Variants in EPSTI1 observed in about 807,000 individuals in gnomAD.
The protein encoded by EPSTI1 is epithelial stromal interaction 1.
In EPSTI1, 66 loss-of-function variants were observed where a neutral mutation model predicts 49.9. That is an observed-to-expected ratio of 1.32 (90% CI 1.08 to 1.62). The LOEUF is 1.62. Among genes scored for constraint, EPSTI1 ranks in the 40% most tolerant of loss-of-function variants. The pLI, the probability that EPSTI1 is intolerant of heterozygous loss-of-function variation, is 0.00. For synonymous variants in EPSTI1, 137 were observed against 130.7 expected (o/e 1.05, Z -0.33); for missense variants, 394 against 365.5 (o/e 1.08, Z -0.64).
At position 42,992,107 on chromosome 13, in the gene EPSTI1, G is replaced by A; in HGVS notation, c.59C>T (p.Pro20Leu). 3.7e-6 allele frequency: 6 copies of A among 1,611,524 alleles called. No homozygotes were observed. The highest frequency in any genetic ancestry group is 5.1e-6 in the Non-Finnish European group (6 of 1,179,248). The change falls in exon 1 of 11, where the codon CCG becomes CTG. Residue 20 changes from proline (P) to leucine (L), a missense_variant. Physicochemically the swap from Pro to Leu is moderately conservative, Grantham distance 98. Transcript: ENST00000313624. ...AGAAGGGTCCTGGGGATCCCGGGTC[G>A]GGCGGGAGGCAGGGGAGGCGCCGAG... ...SGLGASPASR[P>L]TRDPQDPSGR...
intron 7 of EPSTI1, among the ~76,000 whole-genome samples, chr13:42,918,963 G>A (rs1046663603): frequency 6.6e-6 from 1 of 151,998 alleles, no homozygotes; most frequent in South Asian, 2.1e-4. Context: ...AGGAGGGTGA[G>A]AAGAGAGGAC....
chr13:42,946,342 A>G (rs2038917103), intron 6 of EPSTI1, among the ~76,000 whole-genome samples: 1 of 152,198 alleles, frequency 6.6e-6, no homozygotes, highest in Non-Finnish European at 1.5e-5. Flanking sequence ...GGCAATTTAG[A>G]AATAGGAAGA....
chr13:42,984,491 A>C lies in EPSTI1; in HGVS notation c.188+7487T>G, dbSNP rs997266821. ...AAATAATGTGAGTCAAAATGACTTA[A>C]GTTCTGTCTCAGACATAAGAAACCA... On this transcript the variant is annotated intron_variant, in intron 1 of 10. Coordinates refer to ENST00000313624, the MANE Select transcript of EPSTI1 (RefSeq NM_033255.5). Among the ~76,000 whole-genome samples, 4 of 152,250 alleles carry C rather than the reference A, an allele frequency of 2.6e-5. No homozygotes were observed. The South Asian group carries it at 8.3e-4, about 32-fold the overall frequency.
chr13:42,915,504 T>C lies in EPSTI1; in HGVS notation c.741+2037A>G, dbSNP rs1594639779. 2.0e-5 allele frequency among the ~76,000 whole-genome samples: 3 copies of C among 152,170 alleles called. No homozygotes were observed. In the East Asian group the frequency reaches 5.8e-4, roughly 29 times the overall value. On this transcript the variant is annotated intron_variant, in intron 8 of 10. Transcript: ENST00000313624. ...CCAAGATCATGCCACTGCACTCCAA[T>C]ATGGGTGACAGAGTGAGACCTGGTC...
chr13:42,949,496 C>T (rs1188358009), intron 6 of EPSTI1, among the ~76,000 whole-genome samples: 1 of 149,404 alleles, frequency 6.7e-6, no homozygotes, highest in Non-Finnish European at 1.5e-5. Context: ...GAGGCTGAGG[C>T]GGGAGAAATC....
chr13:42,941,733 G>GT lies in EPSTI1; in HGVS notation c.563+12214dup, dbSNP rs905140573. Among the ~76,000 whole-genome samples the GT allele has an allele frequency of 3.1e-3, 453 of 146,602 alleles. 1 individual carries two copies. The highest frequency in any genetic ancestry group is 7.9e-3 in the African/African-American group (317 of 40,226). On this transcript the variant is annotated intron_variant, in intron 6 of 10. Coordinates refer to ENST00000313624, the MANE Select transcript of EPSTI1 (RefSeq NM_033255.5). ...ACTGTGGCTTTCTAGGATTTGGGGT[G>GT]TTTTTTTTTTGGAGGTTACCAAGAG...
At chr13:42,910,339 G>A (rs2037633253) in intron 8 of EPSTI1, among the ~76,000 whole-genome samples, 1 of 135,814 alleles carries the variant, frequency 7.4e-6, no homozygotes, top group African/African-American at 2.8e-5. Flanking sequence ...TTGGCTTACT[G>A]CAACCTCCGG....
chr13:42,932,919 T>C (rs1307773238), intron 6 of EPSTI1, among the ~76,000 whole-genome samples: 2 of 152,100 alleles, frequency 1.3e-5, no homozygotes, highest in Non-Finnish European at 2.9e-5. Context: ...AAGCTATTCA[T>C]GAGAAAACAT....
At chr13:42,959,111 G>C (rs890881329) in intron 5 of EPSTI1, among the ~76,000 whole-genome samples, 8 of 152,244 alleles carry the variant, frequency 5.3e-5, no homozygotes, top group African/African-American at 1.7e-4. Context: ...ACTAAGGGCT[G>C]TGTATATATT....
intron 6 of EPSTI1, among the ~76,000 whole-genome samples, chr13:42,943,187 G>T (rs190559992): frequency 5.3e-5 from 8 of 152,256 alleles, no homozygotes; most frequent in Admixed American, 5.2e-4. Context: ...TATGCAGATG[G>T]CTTGTCTCCA....
chr13:42,985,789 G>C (rs954964187), intron 1 of EPSTI1, among the ~76,000 whole-genome samples: 5 of 152,176 alleles, frequency 3.3e-5, no homozygotes, highest in Non-Finnish European at 7.3e-5. Context: ...AAGCCAGCTT[G>C]CCCTTTGGTC....
chr13:42,983,964 A>G lies in EPSTI1; in HGVS notation c.188+8014T>C, dbSNP rs187320065. Among the ~76,000 whole-genome samples, 557 of 152,348 alleles carry G rather than the reference A, an allele frequency of 3.7e-3. 1 individual carries two copies. The highest frequency in any genetic ancestry group is 5.6e-3 in the Non-Finnish European group (381 of 68,036). Reference sequence around the variant, plus strand: ...TACTTTATGCTACAACAGGATTCCAATGCTTCATTACATTTCTCATTTCAA... The same window carrying G: ...TACTTTATGCTACAACAGGATTCCAGTGCTTCATTACATTTCTCATTTCAA... On this transcript the variant is annotated intron_variant, in intron 1 of 10. Transcript: ENST00000313624.
intron 8 of EPSTI1, among the ~76,000 whole-genome samples, chr13:42,905,165 G>A (rs2153413496): frequency 6.6e-6 from 1 of 152,196 alleles, no homozygotes; most frequent in Admixed American, 6.5e-5. Context: ...CTGTTAGGGA[G>A]GAAGAAAAGA....
chr13:42,971,267 C>T (rs562023732), intron 1 of EPSTI1, among the ~76,000 whole-genome samples: 1 of 152,302 alleles, frequency 6.6e-6, no homozygotes, highest in East Asian at 1.9e-4. Context: ...GAAAAATATT[C>T]ACCTCTGTGA....
chr13:42,974,413 T>A (rs908176706), intron 1 of EPSTI1, among the ~76,000 whole-genome samples: 4 of 152,058 alleles, frequency 2.6e-5, no homozygotes, highest in Non-Finnish European at 5.9e-5. Flanking sequence ...ATCCCAGCAC[T>A]TTGGGAGGCC....
chr13:42,986,464 G>A (rs2153436636), intron 1 of EPSTI1, among the ~76,000 whole-genome samples: 1 of 152,226 alleles, frequency 6.6e-6, no homozygotes, highest in South Asian at 2.1e-4. Flanking sequence ...TCAACCCCTG[G>A]CCGGGAGCAG....
chr13:42,969,354 G>C lies in EPSTI1; in HGVS notation c.248-177C>G. The stretch of plus-strand genomic sequence containing the variant: ...CCCTGACCCGTACAGGTCATCCTGG[G>C]CCCGGCCCTGTGGCACATTCTCACC... On this transcript the variant is annotated intron_variant, in intron 2 of 10. Transcript: ENST00000313624. 3 of 631,236 alleles carry C rather than the reference G, an allele frequency of 4.8e-6. No individual in the cohort carries two copies. The East Asian group carries it at 8.5e-5, about 18-fold the overall frequency. 39.1% of individuals were successfully genotyped at this position (631,236 alleles called of 1,614,324 possible). A position where few individuals can be genotyped will look rare whatever the true frequency, so the allele number is the denominator to read the frequency against.
chr13:42,914,939 C>G (rs1341617540), intron 8 of EPSTI1, among the ~76,000 whole-genome samples: 2 of 152,144 alleles, frequency 1.3e-5, no homozygotes, highest in Admixed American at 6.5e-5. Flanking sequence ...AGAGTTTAAA[C>G]TTGAGGAGGC....
chr13:42,917,745 A>G lies in EPSTI1; in HGVS notation c.658-121T>C, dbSNP rs565755751. 7.7e-6 allele frequency: 5 copies of G among 651,562 alleles called. No individual in the cohort carries two copies. In the East Asian group the frequency reaches 7.7e-5, roughly 10 times the overall value. The allele number at this position is 651,562 out of a possible 1,614,324, so 40.4% of individuals were successfully genotyped here. Reference sequence around the variant, plus strand: ...TAATAACTCAACCTCCGTACTGAGCATATAGTAAGCTCTCCATACACACTT... The same window carrying G: ...TAATAACTCAACCTCCGTACTGAGCGTATAGTAAGCTCTCCATACACACTT... On this transcript the variant is annotated intron_variant, in intron 7 of 10. Transcript: ENST00000313624.
Sources: allele counts gnomAD v4.1 joint callset (sites outside exome capture counted in the v4.1 genomes callset), GRCh38; gene constraint gnomAD v4.1.1; transcripts MANE v1.5; gene names NCBI Gene and HGNC (gene_info 2026-07-23, HGNC 2026-07-21).